The following F5 variants were observed in gnomAD, a reference collection of about 807,000 sequenced individuals.
F5 encodes the protein activated protein c cofactor.
F5 carries 138 observed loss-of-function variants against 216.4 expected under a neutral mutation model. That is an observed-to-expected ratio of 0.64 (90% confidence interval 0.56 to 0.73). The LOEUF is 0.73. Among genes scored for constraint, F5 ranks in the 30% least tolerant of loss-of-function variants. F5 has a pLI of 0.00. For synonymous variants in F5, 916 were observed against 930.7 expected (o/e 0.98, Z 0.29); for missense variants, 2,403 against 2,674.0 (o/e 0.90, Z 2.24).
chr1:169,554,151 T>C (rs11577059), intron 7 of F5, among the ~76,000 whole-genome samples: 11,056 of 90,578 alleles, frequency 0.12, 1,019 homozygotes, highest in African/African-American at 0.31. Flanking sequence ...CTCTGATGAC[T>C]CTCAAAATGA....
rs1659061046 is a variant in F5, at chr1:169,512,829, A to T, written c.*1484T>A. On this transcript the variant is annotated 3_prime_UTR_variant, in exon 25 of 25. Transcript: ENST00000367797. ...GTAGTTTCTAAAGATGCTCCCAGTG[A>T]ATTATGCCTCCTGGTATGTGGTCCT... is the stretch of plus-strand genomic sequence containing the variant. Among the ~76,000 whole-genome samples, 1 of 152,070 alleles carries T rather than the reference A, an allele frequency of 6.6e-6. No homozygotes were observed. Among genetic ancestry groups the T allele is most frequent in the African/African-American group, 2.4e-5 (1 of 41,430 alleles).
At chr1:169,538,897 G>T (rs938610888) in intron 13 of F5, among the ~76,000 whole-genome samples, 29 of 152,098 alleles carry the variant, frequency 1.9e-4, no homozygotes, top group Non-Finnish European at 7.4e-5. Flanking sequence ...TGTGCTGGTT[G>T]TGATATAGTA....
At chr1:169,547,192 AAAC>A (rs956830939) in intron 10 of F5, among the ~76,000 whole-genome samples, 9 of 152,176 alleles carry the variant, frequency 5.9e-5, no homozygotes, top group Admixed American at 2.6e-4. Context: ...AACAAACAAA[AAAC>A]AACAACAACA....
rs749425147 is a variant in F5, at chr1:169,536,535, T to G, written c.4942A>C (p.Ile1648Leu). Residue 1648 changes from isoleucine (I) to leucine (L), a missense_variant, in exon 14 of 25, where the codon ATC becomes CTC. Physicochemically the swap from Ile to Leu is conservative, Grantham distance 5 (BLOSUM62 2). Around this residue, in one of 4 missense-constraint regions of F5, gnomAD observed 659 missense variants for 787.9 expected, o/e 0.84. Transcript: ENST00000367797. ...EEHLGILGPI[I>L]RAEVDDVIQV... ...ATAACATCATCCACTTCAGCTCTGATAATAGGACCAAGAATTCCGAGATGC... is the reference window on the plus strand; with the variant it reads ...ATAACATCATCCACTTCAGCTCTGAGAATAGGACCAAGAATTCCGAGATGC... The G allele has an allele frequency of 1.9e-6, 3 of 1,613,410 alleles. No homozygotes were observed. Among genetic ancestry groups the G allele is most frequent in the Non-Finnish European group, 2.5e-6 (3 of 1,179,560 alleles).
chr1:169,543,134 A>C lies in F5; in HGVS notation c.1976-20T>G. On this transcript the variant is annotated intron_variant, in intron 12 of 24. Coordinates refer to ENST00000367797, the MANE Select transcript of F5 (RefSeq NM_000130.5). ...AAGTTCCTACAGAAGAGAGACAGAC[A>C]GAAGAGAGATCTGGAAGTCTGGGAA... 6.2e-7 allele frequency: 1 copy of C among 1,607,534 alleles called. No individual in the cohort carries two copies.
chr1:169,527,764 T>C lies in F5; in HGVS notation c.5599+151A>G, dbSNP rs569943358. On this transcript the variant is annotated intron_variant, in intron 17 of 24. Transcript: ENST00000367797. ...ACATTTTTGTACTCCGTATATACTTTGGGTCTATGGGTTTGCCTAGGCTCT... is the reference window on the plus strand; with the variant it reads ...ACATTTTTGTACTCCGTATATACTTCGGGTCTATGGGTTTGCCTAGGCTCT... 15 of 891,324 alleles carry C rather than the reference T, an allele frequency of 1.7e-5. No homozygotes were observed. In the South Asian group the frequency reaches 1.9e-4, roughly 11 times the overall value. The allele number at this position is 891,324 out of a possible 1,614,324, so 55.2% of individuals were successfully genotyped here.
chr1:169,572,067 C>T (rs573198732), intron 3 of F5, among the ~76,000 whole-genome samples, 154 bp downstream of exon 3: 210 of 152,286 alleles, frequency 1.4e-3, no homozygotes, highest in Non-Finnish European at 2.6e-3. Context: ...TCCTTTTCTT[C>T]TCTCAAAACT....
Position 169,542,569 on chromosome 1 carries a change from G to A in F5, c.2521C>T (p.Gln841Ter). The change falls in exon 13 of 25, where the codon CAG becomes TAG. Residue 841 changes from glutamine to a stop codon, truncating the protein, a stop_gained. Coordinates refer to ENST00000367797, the MANE Select transcript of F5 (RefSeq NM_000130.5). LOFTEE classifies it high-confidence loss of function. ...YSEDPIEDPL[Q>*]PDVTGIRLLS... ...AGACGTATCCCTGTGACATCTGGCT[G>A]TAGAGGATCCTCTATAGGGTCTTCA... 1 of 1,614,034 alleles carries A rather than the reference G, an allele frequency of 6.2e-7. No homozygotes were observed. Among genetic ancestry groups the A allele is most frequent in the South Asian group, 1.1e-5 (1 of 91,074 alleles).
At chr1:169,582,550 G>A (rs749264290) in intron 1 of F5, 28 bp from the exon 2 acceptor site, 10 of 1,254,360 alleles carry the variant, frequency 8.0e-6, no homozygotes, top group Non-Finnish European at 1.2e-5. Flanking sequence ...AAACTAATTT[G>A]AAAGGCATAT....
At chr1:169,583,141 A>C (rs1453575478) in intron 1 of F5, among the ~76,000 whole-genome samples, 3 of 152,234 alleles carry the variant, frequency 2.0e-5, no homozygotes, top group African/African-American at 7.2e-5. Context: ...ATTTTAAATA[A>C]AATTAGAGAG....
rs1345205189 is a variant in F5 at position 169,540,774 on chromosome 1, G to A, written c.4316C>T (p.Ser1439Phe). The A allele has an allele frequency of 6.2e-7, 1 of 1,614,088 alleles. No individual in the cohort carries two copies. The highest frequency in any genetic ancestry group is 1.1e-5 in the South Asian group (1 of 91,090). The change falls in exon 13 of 25, where the codon TCT becomes TTT. Residue 1439 changes from serine (S) to phenylalanine (F), a missense_variant. Ser to Phe is a radical substitution (Grantham distance 155). Around this residue, in one of 4 missense-constraint regions of F5, gnomAD observed 293 missense variants for 270.8 expected, o/e 1.08. Transcript: ENST00000367797. The stretch of plus-strand genomic sequence containing the variant: ...AAGGGTGGTGTCACTGATGTCTGGA[G>A]AGAGAGTCACCTGGCTGAGGTCTGG... ...LSPDLSQVTL[S>F]PDISDTTLLP...
At chr1:169,519,086 T>G (rs894650304) in intron 22 of F5, among the ~76,000 whole-genome samples, 2 of 152,110 alleles carry the variant, frequency 1.3e-5, no homozygotes, top group Admixed American at 1.3e-4. Context: ...TTTTCCAAGG[T>G]GTAATTTGAA....
At chr1:169,582,647 C>T in intron 1 of F5, 125 bp from the exon 2 acceptor site, 1 of 524,076 alleles carries the variant, frequency 1.9e-6, no homozygotes, top group Non-Finnish European at 3.5e-6. Context: ...TATTGTATTT[C>T]AGAAGTCCAC....
At chr1:169,568,902 C>G (rs1660666407) in intron 3 of F5, among the ~76,000 whole-genome samples, 1 of 152,076 alleles carries the variant, frequency 6.6e-6, no homozygotes, top group Non-Finnish European at 1.5e-5. Context: ...GTGAACAACT[C>G]TTTTCCTCTC....
chr1:169,523,464 T>A, intron 20 of F5, 112 bp from the exon 21 acceptor site: 1 of 1,286,662 alleles, frequency 7.8e-7, no homozygotes, highest in Non-Finnish European at 1.1e-6. Flanking sequence ...GCACATAAGA[T>A]CTTAGCAAAC....
chr1:169,555,473 A>T, intron 6 of F5, 126 bp from the exon 7 acceptor site: 1 of 1,066,960 alleles, frequency 9.4e-7, no homozygotes. Flanking sequence ...AGTAATGCTC[A>T]GGCAATTTTT....
intron 5 of F5, among the ~76,000 whole-genome samples, chr1:169,558,866 A>C (rs533305804): frequency 6.6e-6 from 1 of 152,252 alleles, no homozygotes; most frequent in South Asian, 2.1e-4. Context: ...GAACTGCAGA[A>C]CTCGGAGAGA....
At chr1:169,520,224 T>C (rs1227683239) in intron 22 of F5, among the ~76,000 whole-genome samples, 1 of 152,190 alleles carries the variant, frequency 6.6e-6, no homozygotes, top group Non-Finnish European at 1.5e-5. Flanking sequence ...GTAGGTCTTA[T>C]TGAAAATGGG....
At position 169,536,647 on chromosome 1, in the gene F5, T is replaced by C. The variant is rs1659711881; in HGVS notation, c.4830A>G (p.Pro1610=). ...ETDIEDSDDI[P]EDTTYKKVVF... is the part of the protein sequence containing the mutation. ...CTACTTTCTTATATGTGGTATCTTC[T>C]GGAATATCATCAGAGTCTTCAATAT... Residue 1610 remains proline, a synonymous_variant, in exon 14 of 25, where the codon CCA becomes CCG. Transcript: ENST00000367797. The C allele has an allele frequency of 1.2e-6, 2 of 1,612,678 alleles. No individual in the cohort carries two copies. The highest frequency in any genetic ancestry group is 1.7e-6 in the Non-Finnish European group (2 of 1,178,900).
Sources: gnomAD v4.1 joint callset for allele counts (sites outside exome capture counted in the v4.1 genomes callset) on GRCh38, gnomAD v4.1.1 for gene constraint, gnomAD v4.1.1 regional missense constraint, MANE v1.5 for transcripts, NCBI Gene and HGNC (gene_info 2026-07-23, HGNC 2026-07-21) for gene names.